The following FAM117B variants were observed in gnomAD, a reference collection of about 807,000 sequenced individuals.
FAM117B encodes the protein family with sequence similarity 117 member B, also known as protein FAM117B.
Under a neutral mutation model 52.8 loss-of-function variants are expected in FAM117B, and 22 were observed. The observed-to-expected ratio is 0.42, with a 90% CI of 0.30 to 0.59. The LOEUF is 0.59. Ranked by LOEUF, FAM117B falls within the 20% of genes least tolerant of loss-of-function variation. The probability of loss-of-function intolerance (pLI) is 0.22; values close to 1 mark genes in which losing one functional copy is unlikely to be tolerated. For synonymous variants in FAM117B, 309 were observed against 324.1 expected (o/e 0.95, Z 0.50); for missense variants, 678 against 802.6 (o/e 0.84, Z 1.88).
intron 6 of FAM117B, among the ~76,000 whole-genome samples, chr2:202,758,230 A>G (rs1043305337): frequency 6.6e-6 from 1 of 152,208 alleles, no homozygotes; most frequent in Admixed American, 6.5e-5. Context: ...ATCACCTAAG[A>G]CATTAAAACT....
chr2:202,757,104 T>G (rs1691810861), intron 5 of FAM117B, 109 bp from the exon 6 acceptor site: 1 of 1,099,158 alleles, frequency 9.1e-7, no homozygotes. Context: ...AGGAAGGGAT[T>G]TCTGATTTGT....
At chr2:202,646,956 T>C (rs939587330) in intron 1 of FAM117B, among the ~76,000 whole-genome samples, 9 of 152,304 alleles carry the variant, frequency 5.9e-5, no homozygotes, top group African/African-American at 2.2e-4. Context: ...CTTTTAAGAC[T>C]AAACATGTTA....
Position 202,755,555 on chromosome 2 carries a change from T to A in FAM117B, c.978T>A (p.Ser326Arg), listed in dbSNP as rs1042117199. The A allele has an allele frequency of 6.2e-7, 1 of 1,613,972 alleles. No homozygotes were observed. Among genetic ancestry groups the A allele is most frequent in the South Asian group, 1.1e-5 (1 of 91,058 alleles). The part of the protein sequence containing the change: ...INQCQAPVPK[S>R]ALIPVIPITK... ...TTCTTAAGGCTCCTGTTCCAAAGAG[T>A]GCACTTATTCCTGTAATTCCCATCA... Residue 326 changes from serine (S) to arginine (R), a missense_variant, in exon 5 of 8, where the codon AGT becomes AGA. Transcript: ENST00000392238.
intron 7 of FAM117B, among the ~76,000 whole-genome samples, chr2:202,761,632 T>C (rs1691891122): frequency 6.6e-6 from 1 of 152,172 alleles, no homozygotes; most frequent in African/African-American, 2.4e-5. Context: ...GTTCAAGCAA[T>C]TCTCCTGTCT....
chr2:202,715,687 G>T (rs1289363523), intron 2 of FAM117B, among the ~76,000 whole-genome samples: 2 of 152,324 alleles, frequency 1.3e-5, no homozygotes, highest in East Asian at 3.9e-4. Context: ...CATGGCGGCC[G>T]GGCAGAGGCT....
At chr2:202,726,138 A>G (rs775569250) in intron 3 of FAM117B, 112 bp from the exon 4 acceptor site, 221 of 671,916 alleles carry the variant, frequency 3.3e-4, no homozygotes, top group Non-Finnish European at 5.0e-4. Context: ...ATATGGTTCA[A>G]AAATTCAAAG....
At chr2:202,644,700 G>A (rs1689834163) in intron 1 of FAM117B, among the ~76,000 whole-genome samples, 1 of 152,136 alleles carries the variant, frequency 6.6e-6, no homozygotes, top group South Asian at 2.1e-4. Context: ...GGTTTGACTG[G>A]GTATAGAATT....
intron 1 of FAM117B, among the ~76,000 whole-genome samples, chr2:202,682,949 A>T (rs1004927709): frequency 2.0e-5 from 3 of 152,236 alleles, no homozygotes; most frequent in African/African-American, 7.2e-5. Flanking sequence ...TAATTTAAGC[A>T]CCTACCTTAA....
chr2:202,664,865 A>G (rs560893995), intron 1 of FAM117B, among the ~76,000 whole-genome samples: 28 of 152,332 alleles, frequency 1.8e-4, no homozygotes, highest in Non-Finnish European at 3.4e-4. Flanking sequence ...TGCCCCAAAT[A>G]TAGCAGCTTA....
intron 2 of FAM117B, among the ~76,000 whole-genome samples, chr2:202,703,737 G>A (rs1358664432): frequency 6.6e-6 from 1 of 152,150 alleles, no homozygotes; most frequent in Non-Finnish European, 1.5e-5. Context: ...ATGGATATTT[G>A]GGGTGTTTCT....
At position 202,765,599 on chromosome 2, in the gene FAM117B, C is replaced by T; in HGVS notation, c.1605C>T (p.Ser535=). The T allele has an allele frequency of 6.2e-7, 1 of 1,614,134 alleles. No individual in the cohort carries two copies. The highest frequency in any genetic ancestry group is 8.5e-7 in the Non-Finnish European group (1 of 1,180,036). Residue 535 remains serine, a synonymous_variant, in exon 8 of 8, where the codon AGC becomes AGT. Transcript: ENST00000392238. ...PDLTLKGSGH[S]LTVTTGMTTT... is the part of the protein sequence containing the mutation. Reference sequence around the variant, plus strand: ...TTACACTCAAGGGCTCTGGCCACAGCCTGACAGTCACCACTGGCATGACAA... The same window carrying T: ...TTACACTCAAGGGCTCTGGCCACAGTCTGACAGTCACCACTGGCATGACAA...
chr2:202,665,371 A>G (rs1191718544), intron 1 of FAM117B, among the ~76,000 whole-genome samples: 1 of 151,852 alleles, frequency 6.6e-6, no homozygotes, highest in Non-Finnish European at 1.5e-5. Context: ...TATCTCTCAT[A>G]TAGAATCTTT....
chr2:202,742,056 C>G (rs1173268674), intron 4 of FAM117B, among the ~76,000 whole-genome samples: 1 of 152,142 alleles, frequency 6.6e-6, no homozygotes, highest in African/African-American at 2.4e-5. Flanking sequence ...CAGACCTGTA[C>G]AAATGTAAAA....
intron 4 of FAM117B, among the ~76,000 whole-genome samples, chr2:202,739,953 C>G (rs1691497644): frequency 6.6e-6 from 1 of 151,738 alleles, no homozygotes; most frequent in Non-Finnish European, 1.5e-5. Flanking sequence ...GGGTGGATCA[C>G]TTGAGGTCAG....
chr2:202,759,104 T>C (rs953666763), intron 6 of FAM117B, 129 bp from the exon 7 acceptor site: 3 of 947,384 alleles, frequency 3.2e-6, no homozygotes, highest in Non-Finnish European at 4.6e-6. Context: ...TTAACAAACA[T>C]TAATTATCTC....
intron 2 of FAM117B, among the ~76,000 whole-genome samples, chr2:202,715,300 G>A (rs1310151676): frequency 7.0e-6 from 1 of 143,084 alleles, no homozygotes; most frequent in African/African-American, 2.6e-5. Flanking sequence ...GCCTGGCGGG[G>A]GCTGACCCCC....
At chr2:202,703,538 T>C (rs566093446) in intron 2 of FAM117B, among the ~76,000 whole-genome samples, 10 of 152,150 alleles carry the variant, frequency 6.6e-5, no homozygotes, top group Admixed American at 2.6e-4. Context: ...GAGTTTTTAG[T>C]AGAGACAGGA....
intron 2 of FAM117B, among the ~76,000 whole-genome samples, chr2:202,724,394 A>G (rs1269654276): frequency 6.6e-6 from 1 of 152,180 alleles, no homozygotes; most frequent in Admixed American, 6.5e-5. Context: ...GCAAGACTAG[A>G]CATAATATAG....
intron 1 of FAM117B, among the ~76,000 whole-genome samples, chr2:202,644,129 C>T (rs1048971364): frequency 1.6e-4 from 20 of 125,292 alleles, no homozygotes; most frequent in African/African-American, 5.8e-4. Context: ...GGAAAATGTA[C>T]ACTTAATTCT....
Sources: gnomAD v4.1 joint callset for allele counts (sites outside exome capture counted in the v4.1 genomes callset) on GRCh38, gnomAD v4.1.1 for gene constraint, MANE v1.5 for transcripts, NCBI Gene and HGNC (gene_info 2026-07-23, HGNC 2026-07-21) for gene names.